The following TFB2M variants were observed in gnomAD, a reference collection of about 807,000 sequenced individuals.
The protein encoded by TFB2M is transcription factor B2, mitochondrial, also known as dimethyladenosine transferase 2, mitochondrial.
In TFB2M, 44 loss-of-function variants were observed where a neutral mutation model predicts 41.3. The ratio of observed to expected loss-of-function variants is 1.07; its 90% CI spans 0.84 to 1.37. The LOEUF (loss-of-function observed/expected upper bound fraction) is 1.37. Ranked by LOEUF, TFB2M falls within the 40% of genes most tolerant of loss-of-function variation. TFB2M has a pLI of 0.00. For synonymous variants in TFB2M, 188 were observed against 176.8 expected, an observed-to-expected ratio of 1.06 and a Z score of -0.50; for missense variants, 496 against 490.2, an observed-to-expected ratio of 1.01 and a Z score of -0.11.
chr1:246,560,094 C>CTT (rs888538205), intron 2 of TFB2M, among the ~76,000 whole-genome samples: 1 of 145,202 alleles, frequency 6.9e-6, no homozygotes, highest in African/African-American at 2.5e-5. Context: ...TATGCATGGA[C>CTT]TTTTTTTTTT....
intron 6 of TFB2M, 37 bp downstream of exon 6, chr1:246,548,508 T>A (rs754471878): frequency 6.4e-7 from 1 of 1,552,556 alleles, no homozygotes; most frequent in Non-Finnish European, 8.8e-7. Context: ...ATACGTCACG[T>A]AGGGAGAAAA....
intron 1 of TFB2M, 130 bp downstream of exon 1, chr1:246,565,696 G>C: frequency 9.6e-7 from 1 of 1,037,490 alleles, no homozygotes; most frequent in Non-Finnish European, 1.4e-6. Flanking sequence ...TGGCAACACA[G>C]CGAGACTCCG....
In TFB2M at chr1:246,544,661, T is replaced by C. The variant is rs1202440268; in HGVS notation, c.879A>G (p.Gln293=). Residue 293 remains glutamine, a synonymous_variant, in exon 7 of 8, where the codon CAA becomes CAG. Transcript: ENST00000366514. ...PKRRELLDQL[Q]QKLYLIQMIP... ...TCATTTGAATAAGATACAGCTTTTG[T>C]TGTAATTGGTCTAATAATTCCTGGA... 1.3e-6 allele frequency: 2 copies of C among 1,597,344 alleles called. No homozygotes were observed. The highest frequency in any genetic ancestry group is 2.2e-5 in the East Asian group (1 of 44,736).
rs57261732 is a variant in TFB2M, at chr1:246,546,312, T to TAAAAAAAGAAA, written c.859-1642_859-1632dup. The stretch of plus-strand genomic sequence containing the variant: ...GGGAGAAGAGTGAGACACTGTCTTT[T>TAAAAAAAGAAA]AAAAAAAGAAAAAAAAATAGGCTGG... On this transcript the variant is annotated intron_variant, in intron 6 of 7. Transcript: ENST00000366514. 7.0e-3 allele frequency among the ~76,000 whole-genome samples: 977 copies of TAAAAAAAGAAA among 140,274 alleles called. 19 individuals carry two copies. Among genetic ancestry groups the TAAAAAAAGAAA allele is most frequent in the South Asian group, 0.04 (176 of 4,390 alleles). The allele number at this position is 140,274 out of a possible 152,430, so 92.0% of individuals were successfully genotyped here. A position where few individuals can be genotyped will look rare whatever the true frequency, so the allele number is the denominator to read the frequency against.
chr1:246,542,464 G>A (rs371517670), intron 7 of TFB2M, among the ~76,000 whole-genome samples: 30 of 152,010 alleles, frequency 2.0e-4, no homozygotes, highest in Non-Finnish European at 1.5e-4. Flanking sequence ...TTGAGCCCAA[G>A]AGTTCAAGAC....
chr1:246,548,478 C>T (rs1659082361), intron 6 of TFB2M, 67 bp downstream of exon 6: 2 of 1,348,070 alleles, frequency 1.5e-6, no homozygotes, highest in Admixed American at 2.1e-5. Flanking sequence ...CCAAATAGTC[C>T]TAAAAAAATA....
intron 2 of TFB2M, among the ~76,000 whole-genome samples, chr1:246,563,202 CTT>C (rs34409344): frequency 0.25 from 35,134 of 143,120 alleles, 4,396 homozygotes; most frequent in Middle Eastern, 0.32. Flanking sequence ...TCTGAACACA[CTT>C]TTTTTTTTTT....
chr1:246,561,684 GTCTTGAACTC>G (rs1231527600), intron 2 of TFB2M, among the ~76,000 whole-genome samples: 1 of 152,130 alleles, frequency 6.6e-6, no homozygotes, highest in Admixed American at 6.5e-5. Flanking sequence ...GGCCAGGCTG[GTCTTGAACTC>G]CTGACCTCAA....
rs1402012951 is a variant in TFB2M at position 246,557,488 on chromosome 1, TCA to T, written c.447_448del (p.Cys149Ter). Reference sequence around the variant, plus strand: ...ACTTCTAGGATCTAGTTTAAAGAAGTCACAGTGAATCACTCGTAGTTTTCCAT... The same window carrying T: ...ACTTCTAGGATCTAGTTTAAAGAAGTCAGTGAATCACTCGTAGTTTTCCAT... On this transcript the variant is annotated stop_gained and frameshift_variant, in exon 3 of 8. Transcript: ENST00000366514. LOFTEE classifies it high-confidence loss of function. 6.2e-7 allele frequency: 1 copy of T among 1,612,024 alleles called. No homozygotes were observed. Among genetic ancestry groups the T allele is most frequent in the Non-Finnish European group, 8.5e-7 (1 of 1,179,332 alleles).
intron 2 of TFB2M, among the ~76,000 whole-genome samples, chr1:246,563,075 T>C: frequency 6.6e-6 from 1 of 152,274 alleles, no homozygotes; most frequent in South Asian, 2.1e-4. Context: ...AAATGTGGTG[T>C]ACAGTAACCT....
chr1:246,558,563 G>C (rs756409704), intron 2 of TFB2M, among the ~76,000 whole-genome samples: 26 of 152,168 alleles, frequency 1.7e-4, no homozygotes, highest in Non-Finnish European at 3.7e-4. Context: ...ACCATGGTTG[G>C]CCTCTTACAG....
chr1:246,562,163 G>A (rs1659472547), intron 2 of TFB2M, among the ~76,000 whole-genome samples: 1 of 151,992 alleles, frequency 6.6e-6, no homozygotes, highest in Non-Finnish European at 1.5e-5. Context: ...AACTGGATTT[G>A]ACAGACATTT....
chr1:246,565,319 T>TA (rs1659592863), intron 1 of TFB2M, among the ~76,000 whole-genome samples: 1 of 152,244 alleles, frequency 6.6e-6, no homozygotes, highest in Admixed American at 6.5e-5. Context: ...AAATATTGTG[T>TA]AAAGTGCAAG....
At chr1:246,544,971 A>AT (rs1658963964) in intron 6 of TFB2M, among the ~76,000 whole-genome samples, 2 of 152,004 alleles carry the variant, frequency 1.3e-5, no homozygotes, top group African/African-American at 4.8e-5. Context: ...ACGCCTGGCT[A>AT]ATTTTTTGTA....
intron 6 of TFB2M, among the ~76,000 whole-genome samples, chr1:246,545,981 C>T (rs985221467): frequency 6.6e-6 from 1 of 152,000 alleles, no homozygotes; most frequent in African/African-American, 2.4e-5. Context: ...GGCCAACATC[C>T]GAGAAACAGT....
At chr1:246,543,108 C>A (rs1387042056) in intron 7 of TFB2M, among the ~76,000 whole-genome samples, 4 of 151,694 alleles carry the variant, frequency 2.6e-5, no homozygotes, top group Non-Finnish European at 5.9e-5. Flanking sequence ...GTGATCCTCC[C>A]ACCTTGGCCT....
At chr1:246,561,856 T>C (rs1659464183) in intron 2 of TFB2M, among the ~76,000 whole-genome samples, 2 of 152,200 alleles carry the variant, frequency 1.3e-5, no homozygotes, top group African/African-American at 4.8e-5. Flanking sequence ...CAATCTTAAT[T>C]ACTTTGTGAA....
intron 6 of TFB2M, 44 bp downstream of exon 6, chr1:246,548,501 C>A: frequency 6.6e-7 from 1 of 1,517,908 alleles, no homozygotes; most frequent in South Asian, 1.2e-5. Context: ...ATAAAAAATA[C>A]GTCACGTAGG....
At chr1:246,551,328 ATGTTATACACATCTATAATC>A (rs762737269) in intron 4 of TFB2M, 26 bp from the exon 5 acceptor site, 92 of 1,490,260 alleles carry the variant, frequency 6.2e-5, no homozygotes, top group Non-Finnish European at 8.2e-5. Context: ...TAAAAATTAC[ATGTTATACACATCTATAATC>A]AATTAAAAAC....
Sources: gnomAD v4.1 joint callset for allele counts (sites outside exome capture counted in the v4.1 genomes callset) on GRCh38, gnomAD v4.1.1 for gene constraint, MANE v1.5 for transcripts, NCBI Gene and HGNC (gene_info 2026-07-23, HGNC 2026-07-21) for gene names.